The following MRTFA variants were observed in gnomAD, a reference collection of about 807,000 sequenced individuals.
MRTFA encodes myocardin related transcription factor A, also known as myocardin-related transcription factor A.
MRTFA carries 20 observed loss-of-function variants against 83.5 expected under a neutral mutation model. The observed-to-expected ratio is 0.24, with a 90% CI of 0.17 to 0.35. The LOEUF (loss-of-function observed/expected upper bound fraction) is 0.35. Among genes scored for constraint, MRTFA ranks in the 10% least tolerant of loss-of-function variants. MRTFA has a pLI of 1.00. For missense variants in MRTFA, 1,200 were observed against 1,224.7 expected, an observed-to-expected ratio of 0.98 and a Z score of 0.30; for synonymous variants, 659 against 541.2, an observed-to-expected ratio of 1.22 and a Z score of -3.02.
intron 2 of MRTFA, among the ~76,000 whole-genome samples, chr22:40,556,426 T>G (rs571379573): frequency 1.3e-5 from 2 of 152,022 alleles, no homozygotes; most frequent in African/African-American, 4.8e-5. Flanking sequence ...AAGATCCAGA[T>G]AACAGTAATT....
intron 1 of MRTFA, among the ~76,000 whole-genome samples, chr22:40,595,315 G>A (rs939087360): frequency 9.9e-5 from 15 of 151,666 alleles, no homozygotes; most frequent in African/African-American, 7.3e-5. Flanking sequence ...TGGAGACGGG[G>A]TTTCACCATG....
At chr22:40,533,762 A>C in intron 3 of MRTFA, 1 of 468,502 alleles carries the variant, frequency 2.1e-6, no homozygotes, top group Non-Finnish European at 3.4e-6. Context: ...GACTGTGAGA[A>C]TATCCCCTTC....
intron 3 of MRTFA, among the ~76,000 whole-genome samples, chr22:40,476,157 G>C (rs1041504799): frequency 6.6e-6 from 1 of 151,034 alleles, no homozygotes; most frequent in Non-Finnish European, 1.5e-5. Flanking sequence ...AAAAAAAAAG[G>C]GGGGGGGTCT....
intron 1 of MRTFA, among the ~76,000 whole-genome samples, chr22:40,602,302 A>T (rs1009092424): frequency 6.6e-6 from 1 of 152,224 alleles, no homozygotes; most frequent in Non-Finnish European, 1.5e-5. Flanking sequence ...TCCCTATTCA[A>T]GTCATGTGTG....
At chr22:40,412,045 G>GTTTTATAGTCTTAGCT in intron 14 of MRTFA, 138 bp from the exon 15 acceptor site, 1 of 646,412 alleles carries the variant, frequency 1.5e-6, no homozygotes, top group Non-Finnish European at 2.4e-6. Context: ...AAATGTAAGA[G>GTTTTATAGTCTTAGCT]CTAAGACTAT....
At chr22:40,598,823 CT>C (rs1298910754) in intron 1 of MRTFA, among the ~76,000 whole-genome samples, 2 of 144,244 alleles carry the variant, frequency 1.4e-5, no homozygotes, top group Non-Finnish European at 1.5e-5. Context: ...TCCGTCGCTA[CT>C]TTAAAAAAAA....
intron 2 of MRTFA, among the ~76,000 whole-genome samples, chr22:40,555,053 G>T (rs979353462): frequency 1.3e-5 from 2 of 152,226 alleles, no homozygotes; most frequent in African/African-American, 4.8e-5. Flanking sequence ...CTCAATGCCT[G>T]TATCCCCATT....
chr22:40,535,448 G>C (rs1299597533), intron 3 of MRTFA, among the ~76,000 whole-genome samples: 1 of 138,974 alleles, frequency 7.2e-6, no homozygotes, highest in Admixed American at 8.2e-5. Context: ...AACCTCCCAA[G>C]TTCAAGCGAT....
intron 2 of MRTFA, among the ~76,000 whole-genome samples, chr22:40,582,376 T>C (rs2055959826): frequency 6.6e-6 from 1 of 152,252 alleles, no homozygotes. Flanking sequence ...CTATTATGAA[T>C]ATTCATGTAA....
intron 1 of MRTFA, among the ~76,000 whole-genome samples, chr22:40,629,931 A>C (rs2056624004): frequency 6.6e-6 from 1 of 151,966 alleles, no homozygotes; most frequent in South Asian, 2.1e-4. Context: ...AAGAGCTTAG[A>C]GGTGGAACTA....
intron 1 of MRTFA, among the ~76,000 whole-genome samples, chr22:40,628,898 T>C (rs1352022609): frequency 6.6e-6 from 1 of 152,156 alleles, no homozygotes; most frequent in African/African-American, 2.4e-5. Flanking sequence ...TTCCACCCAA[T>C]GCACCCTGAC....
intron 3 of MRTFA, among the ~76,000 whole-genome samples, chr22:40,508,396 C>CT (rs1302644761): frequency 6.6e-6 from 1 of 151,018 alleles, no homozygotes; most frequent in Admixed American, 6.6e-5. Context: ...CCTGTAATTT[C>CT]AGCTACTCAG....
chr22:40,499,373 T>C (rs894536295), intron 3 of MRTFA, among the ~76,000 whole-genome samples: 1 of 152,176 alleles, frequency 6.6e-6, no homozygotes, highest in Non-Finnish European at 1.5e-5. Flanking sequence ...ATAAGCAGTC[T>C]GAACACAAAA....
intron 2 of MRTFA, among the ~76,000 whole-genome samples, chr22:40,552,657 G>C (rs4257482): frequency 6.6e-6 from 1 of 152,024 alleles, no homozygotes; most frequent in South Asian, 2.1e-4. Context: ...CACCATGATT[G>C]TAAGTTCCTG....
intron 1 of MRTFA, among the ~76,000 whole-genome samples, chr22:40,629,118 C>A (rs1439142530): frequency 6.6e-6 from 1 of 151,806 alleles, no homozygotes; most frequent in Non-Finnish European, 1.5e-5. Context: ...GCAAGACTCT[C>A]TTCTCTTCTC....
chr22:40,589,567 T>A (rs2056088015), intron 2 of MRTFA, among the ~76,000 whole-genome samples: 1 of 152,152 alleles, frequency 6.6e-6, no homozygotes, highest in Non-Finnish European at 1.5e-5. Context: ...AGGAAAGAAC[T>A]TGTCTGAAAA....
intron 1 of MRTFA, among the ~76,000 whole-genome samples, chr22:40,617,141 A>AGAAGGAAG (rs748254446): frequency 1.2e-3 from 140 of 121,496 alleles, no homozygotes; most frequent in African/African-American, 1.5e-3. Context: ...GAGAGACGAG[A>AGAAGGAAG]GAAGGAAGGA....
At chr22:40,422,908 G>A (rs901060726) in intron 9 of MRTFA, among the ~76,000 whole-genome samples, 1 of 152,250 alleles carries the variant, frequency 6.6e-6, no homozygotes, top group Non-Finnish European at 1.5e-5. Flanking sequence ...TGCAGGTGGA[G>A]CAAGTCAGGG....
At chr22:40,486,590 A>C (rs1284201437) in intron 3 of MRTFA, among the ~76,000 whole-genome samples, 1 of 152,216 alleles carries the variant, frequency 6.6e-6, no homozygotes, top group African/African-American at 2.4e-5. Context: ...TTCCATACTA[A>C]GACATTTTTG....
Sources: allele counts gnomAD v4.1 joint callset (sites outside exome capture counted in the v4.1 genomes callset), GRCh38; gene constraint gnomAD v4.1.1; transcripts MANE v1.5; gene names NCBI Gene and HGNC (gene_info 2026-07-23, HGNC 2026-07-21).